SLC7A2: variants seen among roughly 807,000 people sequenced by gnomAD.
The protein encoded by SLC7A2 is solute carrier family 7 member 2, also known as cationic amino acid transporter 2.
In SLC7A2, 48 loss-of-function variants were observed where a neutral mutation model predicts 58.9. That is an observed-to-expected ratio of 0.82 (90% CI 0.65 to 1.04). The LOEUF is 1.04. Among genes scored for constraint, SLC7A2 ranks in the 50% least tolerant of loss-of-function variants. The pLI is 0.00. For missense variants in SLC7A2, 1,029 were observed against 818.8 expected (o/e 1.26, Z -3.13); for synonymous variants, 363 against 314.5 (o/e 1.15, Z -1.63).
At chr8:17,549,351 C>G (rs1398251553) in intron 5 of SLC7A2, among the ~76,000 whole-genome samples, 2 of 152,178 alleles carry the variant, frequency 1.3e-5, no homozygotes, top group Non-Finnish European at 2.9e-5. Context: ...TTCCAAGACC[C>G]CTCTTCCCAG....
At chr8:17,526,824 C>T (rs1048475437) in intron 2 of SLC7A2, among the ~76,000 whole-genome samples, 2 of 152,142 alleles carry the variant, frequency 1.3e-5, no homozygotes, top group Non-Finnish European at 2.9e-5. Context: ...ACTGCATGCC[C>T]TCTTTCTCCA....
chr8:17,501,881 T>TA (rs10583339), intron 1 of SLC7A2, among the ~76,000 whole-genome samples: 10,873 of 142,306 alleles, frequency 0.076, 516 homozygotes, highest in African/African-American at 0.14. Flanking sequence ...AACAGGAGCT[T>TA]AAAAAAAAAA....
At chr8:17,531,301 G>T (rs1801441620) in intron 2 of SLC7A2, among the ~76,000 whole-genome samples, 1 of 152,082 alleles carries the variant, frequency 6.6e-6, no homozygotes. Flanking sequence ...TATATTGTAT[G>T]TAATACAAGG....
chr8:17,520,240 A>G (rs1800960560), intron 2 of SLC7A2, among the ~76,000 whole-genome samples: 1 of 152,196 alleles, frequency 6.6e-6, no homozygotes, highest in Non-Finnish European at 1.5e-5. Context: ...TGTTCCAACT[A>G]TATTTTAAGA....
At chr8:17,508,322 G>C (rs933631038) in intron 2 of SLC7A2, among the ~76,000 whole-genome samples, 1 of 152,136 alleles carries the variant, frequency 6.6e-6, no homozygotes, top group African/African-American at 2.4e-5. Context: ...AGAGAAATGT[G>C]AAGGACAAAC....
chr8:17,528,773 A>G (rs1170246863), intron 2 of SLC7A2, among the ~76,000 whole-genome samples: 7 of 152,126 alleles, frequency 4.6e-5, no homozygotes, highest in African/African-American at 1.7e-4. Context: ...GCTATTTGGA[A>G]TTACTTGAAG....
At chr8:17,561,616 A>G (rs1441986639) in intron 10 of SLC7A2, among the ~76,000 whole-genome samples, 1 of 152,182 alleles carries the variant, frequency 6.6e-6, no homozygotes, top group Non-Finnish European at 1.5e-5. Context: ...AAAGGGAAGT[A>G]TCCAACCCCG....
chr8:17,509,275 C>T (rs1800498961), intron 2 of SLC7A2, among the ~76,000 whole-genome samples: 2 of 152,138 alleles, frequency 1.3e-5, no homozygotes, highest in Admixed American at 1.3e-4. Flanking sequence ...AAGAAAAGTG[C>T]TCATTTTATT....
rs1803422078 is a variant in SLC7A2, at chr8:17,569,585, ACT to A, written c.*4440_*4441del. ...TTTTCCTTACATGATTATATTAAAC[ACT>A]TTAAAATAGCCTTCCGGTTTCTGGA... On this transcript the variant is annotated 3_prime_UTR_variant, in exon 13 of 13. Transcript: ENST00000494857. 6.6e-6 allele frequency: 1 copy of A among 152,112 alleles called. No individual in the cohort carries two copies. The allele number at this position is 152,112 out of a possible 1,614,324, so 9.4% of individuals were successfully genotyped here.
intron 2 of SLC7A2, among the ~76,000 whole-genome samples, chr8:17,533,245 A>G (rs939964190): frequency 3.3e-5 from 5 of 152,226 alleles, no homozygotes; most frequent in South Asian, 2.1e-4. Flanking sequence ...ATAAAAATCT[A>G]TGCTCATACA....
chr8:17,511,275 A>G (rs574008720), intron 2 of SLC7A2: 1 of 152,278 alleles, frequency 6.6e-6, no homozygotes, highest in South Asian at 2.1e-4. Flanking sequence ...TAAAAAAAAA[A>G]TCTATAGAAA....
rs1226557076 is a variant in SLC7A2 at position 17,497,211 on chromosome 8, T to G, written c.-95T>G. The G allele has an allele frequency of 6.6e-6, 1 of 151,720 alleles. No homozygotes were observed. The highest frequency in any genetic ancestry group is 1.5e-5 in the Non-Finnish European group (1 of 67,876). 9.4% of individuals were successfully genotyped at this position (151,720 alleles called of 1,614,324 possible). On this transcript the variant is annotated 5_prime_UTR_variant, in exon 1 of 13. Transcript: ENST00000494857. ...TGCAGCCGGCAGCCCACCGCCGCCT[T>G]CTTGGCGCGACCCCAACCCAGCCCC... is the stretch of plus-strand genomic sequence containing the variant.
chr8:17,536,860 G>T (rs1426378185), intron 2 of SLC7A2, among the ~76,000 whole-genome samples: 1 of 152,118 alleles, frequency 6.6e-6, no homozygotes, highest in Non-Finnish European at 1.5e-5. Flanking sequence ...AAGGAACAGA[G>T]ACCACTCTAA....
intron 11 of SLC7A2, among the ~76,000 whole-genome samples, 171 bp from the exon 12 acceptor site, chr8:17,563,432 T>TA (rs2150784915): frequency 6.6e-6 from 1 of 152,256 alleles, no homozygotes; most frequent in East Asian, 1.9e-4. Flanking sequence ...TGAGCTTTAG[T>TA]AAATACTCTA....
Position 17,550,338 on chromosome 8 carries a change from G to A in SLC7A2, c.736G>A (p.Ala246Thr). 7.4e-6 allele frequency: 12 copies of A among 1,614,094 alleles called. No homozygotes were observed. The highest frequency in any genetic ancestry group is 9.3e-6 in the Non-Finnish European group (11 of 1,179,950). The change falls in exon 6 of 13, where the codon GCT becomes ACT. Residue 246 changes from alanine (A) to threonine (T), a missense_variant. By Grantham distance (58) the Ala-to-Thr change is moderately conservative. Coordinates refer to ENST00000494857, the MANE Select transcript of SLC7A2 (RefSeq NM_001370338.1). Reference sequence around the variant, plus strand: ...TGAAAACGGAACAAGTATCTATGGGGCTGGTGGCTTTATGCCTTATGGCTT... The same window carrying A: ...TGAAAACGGAACAAGTATCTATGGGACTGGTGGCTTTATGCCTTATGGCTT... ...PSENGTSIYG[A>T]GGFMPYGFTG... is the part of the protein sequence containing the mutation.
chr8:17,504,841 G>A lies in SLC7A2; in HGVS notation c.-23+2539G>A, dbSNP rs77754103. ...CAGGTCCAGAAAAAGAAAAGATTGCGTGACTTTTACAGTTTTTTCTAATGA... is the reference window on the plus strand; with the variant it reads ...CAGGTCCAGAAAAAGAAAAGATTGCATGACTTTTACAGTTTTTTCTAATGA... On this transcript the variant is annotated intron_variant, in intron 2 of 12. Transcript: ENST00000494857. 7.5e-3 allele frequency among the ~76,000 whole-genome samples: 1,142 copies of A among 152,298 alleles called. 7 individuals are homozygous for A. The highest frequency in any genetic ancestry group is 0.026 in the African/African-American group (1,060 of 41,546).
At chr8:17,564,171 C>T (rs973913219) in intron 12 of SLC7A2, among the ~76,000 whole-genome samples, 1 of 152,118 alleles carries the variant, frequency 6.6e-6, no homozygotes, top group South Asian at 2.1e-4. Context: ...AAAGCATGTC[C>T]GTGTCCTCTT....
At chr8:17,505,422 G>A (rs1056305059) in intron 2 of SLC7A2, among the ~76,000 whole-genome samples, 59 of 152,178 alleles carry the variant, frequency 3.9e-4, no homozygotes, top group African/African-American at 1.4e-3. Context: ...AGATGTGGCA[G>A]TTGGGGTCAC....
At chr8:17,562,210 T>C (rs1803046762) in intron 11 of SLC7A2, 100 bp downstream of exon 11, 1 of 621,184 alleles carries the variant, frequency 1.6e-6, no homozygotes, top group East Asian at 3.5e-5. Flanking sequence ...TTTTTTTTTT[T>C]TTTTTGGAGA....
Sources: allele counts gnomAD v4.1 joint callset (sites outside exome capture counted in the v4.1 genomes callset), GRCh38; gene constraint gnomAD v4.1.1; transcripts MANE v1.5; gene names NCBI Gene and HGNC (gene_info 2026-07-23, HGNC 2026-07-21).